Variants in FAXC observed in about 807,000 individuals in gnomAD.
FAXC encodes the protein failed axon connections homolog, metaxin like GST domain containing, also known as failed axon connections homolog.
Under a neutral mutation model 41.9 loss-of-function variants are expected in FAXC, and 10 were observed. That is an observed-to-expected ratio of 0.24 (90% CI 0.15 to 0.41). The LOEUF is 0.41. FAXC is among the 10% of genes least tolerant of loss of function. The probability of loss-of-function intolerance (pLI) is 1.00; values close to 1 mark genes in which losing one functional copy is unlikely to be tolerated. For missense variants in FAXC, 399 were observed against 510.9 expected (o/e 0.78, Z 2.11); for synonymous variants, 183 against 183.8 (o/e 1.00, Z 0.03).
At chr6:99,327,003 A>T (rs1331436824) in intron 3 of FAXC, among the ~76,000 whole-genome samples, 2 of 152,220 alleles carry the variant, frequency 1.3e-5, no homozygotes, top group Non-Finnish European at 2.9e-5. Flanking sequence ...TACCTGCAGC[A>T]GGCTGAATGC....
At chr6:99,298,506 C>T (rs1201579920) in intron 4 of FAXC, among the ~76,000 whole-genome samples, 1 of 152,192 alleles carries the variant, frequency 6.6e-6, no homozygotes, top group Non-Finnish European at 1.5e-5. Flanking sequence ...CCAGGGAGCA[C>T]ACTTTGAGAA....
intron 5 of FAXC, among the ~76,000 whole-genome samples, chr6:99,288,885 C>CACACACACACACAG (rs1315365983): frequency 1.3e-5 from 2 of 151,870 alleles, no homozygotes; most frequent in African/African-American, 2.4e-5. Context: ...CACACACACA[C>CACACACACACACAG]AGAGCTGCAG....
intron 5 of FAXC, among the ~76,000 whole-genome samples, chr6:99,290,856 G>A (rs2128449526): frequency 6.6e-6 from 1 of 150,804 alleles, no homozygotes; most frequent in South Asian, 2.1e-4. Context: ...CTGTCGCCCA[G>A]GCTGGAGTGC....
At chr6:99,339,222 G>A (rs1279397296) in intron 2 of FAXC, among the ~76,000 whole-genome samples, 1 of 152,212 alleles carries the variant, frequency 6.6e-6, no homozygotes, top group Non-Finnish European at 1.5e-5. Context: ...ACAACCTGAG[G>A]AAAATACCTC....
intron 2 of FAXC, among the ~76,000 whole-genome samples, chr6:99,335,817 T>G (rs1773196745): frequency 1.3e-5 from 2 of 152,230 alleles, no homozygotes; most frequent in Non-Finnish European, 2.9e-5. Context: ...ACAAAATTAA[T>G]AATCAATTCT....
At position 99,301,165 on chromosome 6, in the gene FAXC, C is replaced by T. The variant is rs560344732; in HGVS notation, c.824-9345G>A. 2.6e-5 allele frequency among the ~76,000 whole-genome samples: 4 copies of T among 152,232 alleles called. 1 individual carries two copies. The highest frequency in any genetic ancestry group is 4.1e-4 in the South Asian group (2 of 4,830). On this transcript the variant is annotated intron_variant, in intron 4 of 5. Transcript: ENST00000389677. ...CTTGCTCAGATCAACTCTCTAGGCACGGATCCCTTAGGAGGAAACCAAATT... is the reference window on the plus strand; with the variant it reads ...CTTGCTCAGATCAACTCTCTAGGCATGGATCCCTTAGGAGGAAACCAAATT...
intron 3 of FAXC, among the ~76,000 whole-genome samples, chr6:99,330,629 G>A (rs1417111908): frequency 6.6e-6 from 1 of 152,086 alleles, no homozygotes; most frequent in Non-Finnish European, 1.5e-5. Flanking sequence ...TAAGGTTTCA[G>A]GCCAACATAA....
intron 4 of FAXC, among the ~76,000 whole-genome samples, chr6:99,296,060 C>T (rs908098931): frequency 1.3e-5 from 2 of 152,148 alleles, no homozygotes; most frequent in Non-Finnish European, 2.9e-5. Context: ...TAAGTATGCA[C>T]TAATGGATAT....
intron 5 of FAXC, among the ~76,000 whole-genome samples, chr6:99,288,847 G>GACACACACACACACACACACACAC (rs11274408): frequency 2.9e-5 from 2 of 69,522 alleles, no homozygotes; most frequent in African/African-American, 9.7e-5. Context: ...CACATGAATC[G>GACACACACACACACACACACACAC]ACACACACAC....
chr6:99,335,648 C>T lies in FAXC; in HGVS notation c.403-2101G>A, dbSNP rs188002923. Among the ~76,000 whole-genome samples, 4 of 152,320 alleles carry T rather than the reference C, an allele frequency of 2.6e-5. No individual in the cohort carries two copies. In the East Asian group the frequency reaches 7.7e-4, roughly 29 times the overall value. ...AATGCGTAAGGGATAAATATGTCTG[C>T]TTTTTCTTTGTTCAGGTGTGCTCTC... On this transcript the variant is annotated intron_variant, in intron 2 of 5. Transcript: ENST00000389677.
intron 2 of FAXC, among the ~76,000 whole-genome samples, chr6:99,337,478 C>T (rs761175): frequency 0.88 from 133,230 of 152,236 alleles, 58,788 homozygotes; most frequent in East Asian, 1. Context: ...GGAAGAAAAG[C>T]CAAAAATATC....
intron 3 of FAXC, 24 bp downstream of exon 3, chr6:99,333,327 G>A (rs375933992): frequency 1.7e-5 from 27 of 1,562,790 alleles, no homozygotes; most frequent in East Asian, 4.5e-5. Flanking sequence ...TCGAAAGGAC[G>A]GGGACACCCC....
chr6:99,309,830 T>C (rs1188135458), intron 4 of FAXC: 1 of 748,450 alleles, frequency 1.3e-6, no homozygotes, highest in Admixed American at 6.3e-5. Context: ...GAGGGTGAGG[T>C]ACTCACCAGA....
At chr6:99,324,393 G>A (rs2128460196) in intron 3 of FAXC, among the ~76,000 whole-genome samples, 1 of 152,132 alleles carries the variant, frequency 6.6e-6, no homozygotes, top group African/African-American at 2.4e-5. Context: ...TAGCGCATTA[G>A]GGAGTAAGTG....
chr6:99,322,331 A>T (rs1772624828), intron 4 of FAXC, among the ~76,000 whole-genome samples: 1 of 152,200 alleles, frequency 6.6e-6, no homozygotes, highest in African/African-American at 2.4e-5. Context: ...AATGTAGAGC[A>T]GAAAGATGCA....
Position 99,323,680 on chromosome 6 carries a change from G to C in FAXC, c.600-13C>G. On this transcript the variant is annotated splice_polypyrimidine_tract_variant and intron_variant, in intron 3 of 5. Coordinates refer to ENST00000389677, the MANE Select transcript of FAXC (RefSeq NM_032511.4). ...ATAAGCTAATGTCCTGGAATTGTGT[G>C]GAAACAAGTTACTACTGTGCATCAG... 1 of 1,604,026 alleles carries C rather than the reference G, an allele frequency of 6.2e-7. No individual in the cohort carries two copies. The highest frequency in any genetic ancestry group is 8.5e-7 in the Non-Finnish European group (1 of 1,171,140).
At position 99,272,777 on chromosome 6, in the gene FAXC, T is replaced by C. The variant is rs957013814; in HGVS notation, c.*8387A>G. 2.0e-5 allele frequency: 3 copies of C among 152,200 alleles called. No individual in the cohort carries two copies. Among genetic ancestry groups the C allele is most frequent in the Non-Finnish European group, 4.4e-5 (3 of 68,028 alleles). 9.4% of individuals were successfully genotyped at this position (152,200 alleles called of 1,614,324 possible). A position where few individuals can be genotyped will look rare whatever the true frequency, so the allele number is the denominator to read the frequency against. On this transcript the variant is annotated 3_prime_UTR_variant, in exon 6 of 6. Coordinates refer to ENST00000389677, the MANE Select transcript of FAXC (RefSeq NM_032511.4). ...TTATACAAGAGCCTTACAACTAAAATACTCTCCCAGTCATCTAAGAGACCA... is the reference window on the plus strand; with the variant it reads ...TTATACAAGAGCCTTACAACTAAAACACTCTCCCAGTCATCTAAGAGACCA...
chr6:99,308,482 C>T (rs1234364341), intron 4 of FAXC, among the ~76,000 whole-genome samples: 1 of 152,062 alleles, frequency 6.6e-6, no homozygotes, highest in Non-Finnish European at 1.5e-5. Flanking sequence ...AGCACCATGG[C>T]GATGCCTAGG....
intron 2 of FAXC, among the ~76,000 whole-genome samples, chr6:99,333,798 G>GA (rs1226938656): frequency 6.6e-6 from 1 of 151,934 alleles, no homozygotes; most frequent in Non-Finnish European, 1.5e-5. Context: ...GATGGAAAAG[G>GA]AAAAAAAAGA....
Sources: allele counts gnomAD v4.1 joint callset (sites outside exome capture counted in the v4.1 genomes callset), GRCh38; gene constraint gnomAD v4.1.1; transcripts MANE v1.5; gene names NCBI Gene and HGNC (gene_info 2026-07-23, HGNC 2026-07-21).